Variants in MSH3 observed in about 807,000 individuals in gnomAD.
The protein encoded by MSH3 is DNA mismatch repair protein Msh3.
Under a neutral mutation model 123.3 loss-of-function variants are expected in MSH3, and 106 were observed. That is an observed-to-expected ratio of 0.86 (90% confidence interval 0.73 to 1.01). MSH3 has a LOEUF of 1.01. Among genes scored for constraint, MSH3 ranks in the 50% least tolerant of loss-of-function variants. The pLI, the probability that MSH3 is intolerant of heterozygous loss-of-function variation, is 0.00. For missense variants in MSH3, 1,459 were observed against 1,347.6 expected (o/e 1.08, Z -1.29); for synonymous variants, 515 against 481.4 (o/e 1.07, Z -0.91).
intron 17 of MSH3, among the ~76,000 whole-genome samples, chr5:80,784,247 AAAT>A (rs1744464742): frequency 2.9e-5 from 4 of 139,230 alleles, no homozygotes; most frequent in African/African-American, 5.9e-5. Context: ...AAAGGGAAAT[AAAT>A]AAATAAATAA....
intron 20 of MSH3, among the ~76,000 whole-genome samples, chr5:80,832,519 T>C (rs530341421): frequency 1.9e-4 from 29 of 152,072 alleles, no homozygotes; most frequent in Admixed American, 1.2e-3. Flanking sequence ...CTCAGGAGGC[T>C]GTGGCAGGAG....
intron 8 of MSH3, among the ~76,000 whole-genome samples, chr5:80,723,281 T>C (rs1240002609): frequency 6.6e-6 from 1 of 151,796 alleles, no homozygotes; most frequent in East Asian, 1.9e-4. Context: ...GCCCTAGAAA[T>C]TAAGAGACTG....
At chr5:80,672,105 T>C (rs960235637) in intron 4 of MSH3, 139 bp from the exon 5 acceptor site, 13 of 698,376 alleles carry the variant, frequency 1.9e-5, no homozygotes, top group Non-Finnish European at 2.9e-5. Flanking sequence ...TTTAAACTTT[T>C]TATTGACATA....
At chr5:80,728,480 T>C (rs1371292469) in intron 9 of MSH3, among the ~76,000 whole-genome samples, 1 of 152,234 alleles carries the variant, frequency 6.6e-6, no homozygotes, top group Non-Finnish European at 1.5e-5. Flanking sequence ...CTAGTTTTTT[T>C]TTAATACTCC....
At chr5:80,691,146 A>G (rs1212167982) in intron 8 of MSH3, among the ~76,000 whole-genome samples, 1 of 152,116 alleles carries the variant, frequency 6.6e-6, no homozygotes, top group Non-Finnish European at 1.5e-5. Flanking sequence ...TAGACTACGT[A>G]TTTAAAATCC....
intron 19 of MSH3, among the ~76,000 whole-genome samples, chr5:80,802,782 G>T (rs1158104090): frequency 6.6e-6 from 1 of 152,032 alleles, no homozygotes; most frequent in Non-Finnish European, 1.5e-5. Flanking sequence ...GAGTTTAATT[G>T]TTTTAATTTT....
intron 2 of MSH3, among the ~76,000 whole-genome samples, chr5:80,658,358 CTGT>C (rs1323853578): frequency 5.3e-5 from 8 of 152,152 alleles, no homozygotes; most frequent in Admixed American, 3.3e-4. Flanking sequence ...TGCACCCGGC[CTGT>C]TGTTCTCTTT....
chr5:80,723,110 T>TAAAC (rs1561455869), intron 8 of MSH3, among the ~76,000 whole-genome samples: 1 of 150,594 alleles, frequency 6.6e-6, no homozygotes, highest in Non-Finnish European at 1.5e-5. Flanking sequence ...AATAAATAAA[T>TAAAC]AAATAAATAA....
At chr5:80,870,170 G>A (rs571491863) in intron 22 of MSH3, among the ~76,000 whole-genome samples, 27 of 65,736 alleles carry the variant, frequency 4.1e-4, no homozygotes, top group African/African-American at 1.6e-3. Flanking sequence ...GCGAAACTCC[G>A]TCTCAAAAAA....
chr5:80,676,897 G>GTTAA (rs1393391260), intron 7 of MSH3, among the ~76,000 whole-genome samples: 1 of 152,208 alleles, frequency 6.6e-6, no homozygotes. Context: ...TACCGCCAGA[G>GTTAA]TTAACCATGT....
At chr5:80,760,993 CT>C (rs1744021953) in intron 12 of MSH3, among the ~76,000 whole-genome samples, 1 of 152,098 alleles carries the variant, frequency 6.6e-6, no homozygotes, top group East Asian at 1.9e-4. Context: ...AGTGAATTTC[CT>C]TGTATGATAC....
chr5:80,681,000 T>C (rs1049486101), intron 8 of MSH3, among the ~76,000 whole-genome samples: 2 of 152,186 alleles, frequency 1.3e-5, no homozygotes, highest in African/African-American at 4.8e-5. Context: ...TGGAATTAAC[T>C]GGATCAGAAG....
intron 12 of MSH3, among the ~76,000 whole-genome samples, chr5:80,761,160 G>A (rs1744024892): frequency 6.6e-6 from 1 of 152,146 alleles, no homozygotes; most frequent in South Asian, 2.1e-4. Context: ...ATTCGAAGGA[G>A]GAGAAAAATG....
At chr5:80,854,400 T>TA in intron 21 of MSH3, 84 bp downstream of exon 21, 1 of 1,242,290 alleles carries the variant, frequency 8.0e-7, no homozygotes, top group Non-Finnish European at 1.2e-6. Context: ...GTGCCATATT[T>TA]ATGGGGTACA....
intron 12 of MSH3, among the ~76,000 whole-genome samples, chr5:80,753,342 C>G (rs1197271433): frequency 2.0e-5 from 3 of 152,134 alleles, no homozygotes; most frequent in Non-Finnish European, 4.4e-5. Context: ...TTTCCTGAAT[C>G]TGGTACTTGC....
intron 21 of MSH3, among the ~76,000 whole-genome samples, chr5:80,860,220 C>T (rs953362911): frequency 1.3e-5 from 2 of 152,024 alleles, no homozygotes; most frequent in Non-Finnish European, 2.9e-5. Context: ...AGTTTTTCGC[C>T]TTCACTGGTT....
intron 20 of MSH3, among the ~76,000 whole-genome samples, chr5:80,833,874 T>TC (rs58938276): frequency 0.86 from 131,221 of 152,218 alleles, 56,644 homozygotes; most frequent in East Asian, 1. Flanking sequence ...GAGAATGGTA[T>TC]CAAAGACTCT....
intron 20 of MSH3, among the ~76,000 whole-genome samples, chr5:80,841,974 C>G (rs1030442563): frequency 1.3e-5 from 2 of 152,118 alleles, no homozygotes; most frequent in Non-Finnish European, 2.9e-5. Flanking sequence ...TCATGAAGTC[C>G]TTGCCCATGC....
intron 8 of MSH3, among the ~76,000 whole-genome samples, chr5:80,692,708 GTA>G (rs1374741750): frequency 7.3e-6 from 1 of 136,356 alleles, no homozygotes; most frequent in African/African-American, 2.7e-5. Context: ...ACATACACAT[GTA>G]TATGTTTATA....
Sources: allele counts gnomAD v4.1 joint callset (sites outside exome capture counted in the v4.1 genomes callset), GRCh38; gene constraint gnomAD v4.1.1; transcripts MANE v1.5; gene names NCBI Gene and HGNC (gene_info 2026-07-23, HGNC 2026-07-21).